POU6F2: variants seen among roughly 807,000 people sequenced by gnomAD.
POU6F2 encodes POU class 6 homeobox 2, also known as POU domain, class 6, transcription factor 2.
In POU6F2, 31 loss-of-function variants were observed where a neutral mutation model predicts 71.3. The observed-to-expected ratio is 0.43, with a 90% confidence interval of 0.33 to 0.59. POU6F2 has a LOEUF of 0.59. POU6F2 is among the 20% of genes least tolerant of loss of function. The probability of loss-of-function intolerance (pLI) is 0.04; values close to 1 mark genes in which losing one functional copy is unlikely to be tolerated. For synonymous variants in POU6F2, 347 were observed against 355.7 expected, an observed-to-expected ratio of 0.98 and a Z score of 0.27; for missense variants, 783 against 856.8, an observed-to-expected ratio of 0.91 and a Z score of 1.07.
intron 4 of POU6F2, among the ~76,000 whole-genome samples, chr7:39,224,524 A>G (rs1267018237): frequency 6.6e-6 from 1 of 152,220 alleles, no homozygotes; most frequent in Non-Finnish European, 1.5e-5. Context: ...GCAGAATGCT[A>G]CTGAGAGTTC....
At chr7:39,065,984 T>A (rs1445681615) in intron 1 of POU6F2, among the ~76,000 whole-genome samples, 1 of 151,736 alleles carries the variant, frequency 6.6e-6, no homozygotes, top group Non-Finnish European at 1.5e-5. Flanking sequence ...ACAGAGCAAT[T>A]GAAAAAACTT....
At chr7:39,102,408 G>A (rs1002151444) in intron 2 of POU6F2, among the ~76,000 whole-genome samples, 2 of 151,958 alleles carry the variant, frequency 1.3e-5, no homozygotes, top group East Asian at 1.9e-4. Flanking sequence ...ATCATGACTC[G>A]TGCATTTGTC....
intron 1 of POU6F2, among the ~76,000 whole-genome samples, chr7:39,062,546 G>A (rs1355675910): frequency 1.3e-5 from 2 of 150,942 alleles, no homozygotes; most frequent in East Asian, 3.9e-4. Context: ...ACAGCACCTC[G>A]TGGGCCTGGC....
At chr7:39,021,540 T>A (rs1392702685) in intron 1 of POU6F2, among the ~76,000 whole-genome samples, 3 of 152,068 alleles carry the variant, frequency 2.0e-5, no homozygotes, top group Admixed American at 1.3e-4. Context: ...CTATTTTTTC[T>A]TTCAAGAATT....
chr7:39,163,226 A>C (rs1275388741), intron 2 of POU6F2, among the ~76,000 whole-genome samples: 1 of 152,248 alleles, frequency 6.6e-6, no homozygotes, highest in Non-Finnish European at 1.5e-5. Flanking sequence ...ATATCTCCCA[A>C]GAATCATATC....
At chr7:39,034,172 T>G (rs1294175895) in intron 1 of POU6F2, among the ~76,000 whole-genome samples, 1 of 152,164 alleles carries the variant, frequency 6.6e-6, no homozygotes, top group East Asian at 1.9e-4. Context: ...GTTAGACCTA[T>G]TGTTTCACAG....
chr7:39,026,534 G>T (rs925772253), intron 1 of POU6F2, among the ~76,000 whole-genome samples: 1 of 152,084 alleles, frequency 6.6e-6, no homozygotes, highest in African/African-American at 2.4e-5. Flanking sequence ...CTCAGTCATA[G>T]ATGGGAATTG....
At chr7:39,212,548 C>T (rs909069514) in intron 4 of POU6F2, among the ~76,000 whole-genome samples, 7 of 152,118 alleles carry the variant, frequency 4.6e-5, no homozygotes, top group African/African-American at 1.4e-4. Flanking sequence ...TGCCCCTTTC[C>T]CCTTCCAAGT....
intron 2 of POU6F2, among the ~76,000 whole-genome samples, chr7:39,098,776 A>G (rs1185880061): frequency 6.6e-6 from 1 of 152,246 alleles, no homozygotes; most frequent in Non-Finnish European, 1.5e-5. Context: ...CACATGTAAA[A>G]GCCTATAGAG....
chr7:39,089,074 A>G (rs1339092352), intron 2 of POU6F2, among the ~76,000 whole-genome samples: 1 of 152,210 alleles, frequency 6.6e-6, no homozygotes, highest in Admixed American at 6.6e-5. Flanking sequence ...AGGAGAAGCC[A>G]TATGCCAGCC....
chr7:39,293,344 A>G (rs1193288367), intron 4 of POU6F2, among the ~76,000 whole-genome samples: 26 of 152,198 alleles, frequency 1.7e-4, no homozygotes, highest in Admixed American at 1.7e-3. Context: ...TAATGGAGGA[A>G]GTGAGGTCAG....
intron 1 of POU6F2, among the ~76,000 whole-genome samples, chr7:39,032,975 T>C (rs116219476): frequency 0.011 from 1,615 of 152,286 alleles, 31 homozygotes; most frequent in African/African-American, 0.036. Flanking sequence ...GCGAATGTGT[T>C]AGTGGCCAGG....
At chr7:39,103,201 A>G (rs1282084231) in intron 2 of POU6F2, among the ~76,000 whole-genome samples, 2 of 152,238 alleles carry the variant, frequency 1.3e-5, no homozygotes, top group African/African-American at 4.8e-5. Flanking sequence ...ATGATTATCC[A>G]GAAATTTAAT....
intron 6 of POU6F2, among the ~76,000 whole-genome samples, chr7:39,419,342 G>A (rs894653684): frequency 2.0e-5 from 3 of 151,532 alleles, no homozygotes; most frequent in East Asian, 1.9e-4. Flanking sequence ...AGGTTCAAGC[G>A]ATTCTCCTGC....
At chr7:39,316,245 G>T (rs1785265853) in intron 4 of POU6F2, among the ~76,000 whole-genome samples, 1 of 152,094 alleles carries the variant, frequency 6.6e-6, no homozygotes, top group South Asian at 2.1e-4. Context: ...TGGGTCACCG[G>T]GCTGACAGAT....
At chr7:39,264,732 G>C (rs1003836835) in intron 4 of POU6F2, among the ~76,000 whole-genome samples, 1 of 152,034 alleles carries the variant, frequency 6.6e-6, no homozygotes, top group African/African-American at 2.4e-5. Flanking sequence ...TATAATTTAG[G>C]TGTTCAGAGG....
intron 7 of POU6F2, among the ~76,000 whole-genome samples, chr7:39,436,841 G>A (rs2116049851): frequency 6.6e-6 from 1 of 152,340 alleles, no homozygotes; most frequent in Non-Finnish European, 1.5e-5. Context: ...AAGGGATGTT[G>A]AATTTTATCA....
chr7:39,406,047 T>G (rs1208959751), intron 5 of POU6F2: 2 of 153,822 alleles, frequency 1.3e-5, no homozygotes, highest in African/African-American at 4.8e-5. Context: ...ATAAATTCCA[T>G]TTCTACTGGC....
intron 2 of POU6F2, among the ~76,000 whole-genome samples, chr7:39,144,579 T>A (rs1365380672): frequency 6.6e-6 from 1 of 152,224 alleles, no homozygotes; most frequent in Non-Finnish European, 1.5e-5. Context: ...ACTTGTAAGT[T>A]CAAGTGGCCT....
Sources: gnomAD v4.1 joint callset for allele counts (sites outside exome capture counted in the v4.1 genomes callset) on GRCh38, gnomAD v4.1.1 for gene constraint, MANE v1.5 for transcripts, NCBI Gene and HGNC (gene_info 2026-07-23, HGNC 2026-07-21) for gene names.